Variants in RASA3 observed in about 807,000 individuals in gnomAD.
RASA3 encodes ras GTPase-activating protein 3.
A neutral mutation model predicts 110.0 loss-of-function variants in RASA3; 73 were observed. The observed-to-expected ratio is 0.66, with a 90% confidence interval of 0.55 to 0.81. RASA3 has a LOEUF of 0.81. Ranked by LOEUF, RASA3 falls within the 30% of genes least tolerant of loss-of-function variation. RASA3 has a pLI of 0.00. For missense variants in RASA3, 976 were observed against 1,113.2 expected (o/e 0.88, Z 1.75); for synonymous variants, 500 against 451.4 (o/e 1.11, Z -1.37).
At chr13:114,050,408 T>C (rs1047007769) in intron 3 of RASA3, among the ~76,000 whole-genome samples, 5 of 152,252 alleles carry the variant, frequency 3.3e-5, no homozygotes, top group East Asian at 1.9e-4. Flanking sequence ...CTGAGATCCA[T>C]GTGACCCATT....
At chr13:114,003,047 A>G (rs1566464479) in intron 18 of RASA3, among the ~76,000 whole-genome samples, 1 of 152,226 alleles carries the variant, frequency 6.6e-6, no homozygotes, top group Non-Finnish European at 1.5e-5. Flanking sequence ...ACCCCCACAC[A>G]TGGACGAACA....
At chr13:114,073,915 C>T (rs1416383374) in intron 1 of RASA3, 78 bp from the exon 2 acceptor site, 1 of 1,295,310 alleles carries the variant, frequency 7.7e-7, no homozygotes, top group Admixed American at 1.7e-5. Flanking sequence ...ACGTTTCCAG[C>T]CTTTGCTTGT....
intron 17 of RASA3, 152 bp downstream of exon 17, chr13:114,009,235 T>G (rs1205729589): frequency 7.7e-6 from 5 of 648,898 alleles, no homozygotes; most frequent in Non-Finnish European, 1.4e-5. Context: ...GACAAGGCTG[T>G]CTGGACAGCG....
chr13:114,037,380 G>A (rs993261271), intron 4 of RASA3, among the ~76,000 whole-genome samples: 1 of 152,178 alleles, frequency 6.6e-6, no homozygotes, highest in Non-Finnish European at 1.5e-5. Context: ...CCCGGAGGAT[G>A]TCACGCAGAG....
chr13:113,981,614 C>T, intron 23 of RASA3, 61 bp downstream of exon 23: 2 of 1,559,984 alleles, frequency 1.3e-6, no homozygotes, highest in Non-Finnish European at 8.7e-7. Flanking sequence ...AGCCCCACCC[C>T]CACTGCAATC....
intron 2 of RASA3, among the ~76,000 whole-genome samples, chr13:114,068,257 C>T (rs949403845): frequency 6.6e-6 from 1 of 152,192 alleles, no homozygotes; most frequent in African/African-American, 2.4e-5. Context: ...GAGGGCTTTG[C>T]CCAGCCTCAA....
chr13:114,131,615 C>G (rs2080520993), intron 1 of RASA3, among the ~76,000 whole-genome samples: 1 of 152,170 alleles, frequency 6.6e-6, no homozygotes, highest in South Asian at 2.1e-4. Context: ...GCCACCAGCT[C>G]GCCCGCCACT....
chr13:114,052,096 A>G lies in RASA3; in HGVS notation c.233T>C (p.Phe78Ser). Residue 78 changes from phenylalanine to serine, a missense_variant, in exon 3 of 24, where the codon TTC becomes TCC. This residue lies in a region of RASA3 where 732 missense variants were observed against 779.7 expected (regional missense o/e 0.94). Transcript: ENST00000334062. ...EIPRSFRHLS[F>S]YIFDRDVFRR... ...GAAAACGTCTCTATCGAAAATGTAG[A>G]AGGACAGGTGACGAAAGCTCCGAGG... 6.2e-7 allele frequency: 1 copy of G among 1,613,430 alleles called. No individual in the cohort carries two copies. Among genetic ancestry groups the G allele is most frequent in the Non-Finnish European group, 8.5e-7 (1 of 1,179,652 alleles).
intron 1 of RASA3, among the ~76,000 whole-genome samples, chr13:114,098,745 G>C (rs956030751): frequency 6.6e-6 from 1 of 152,148 alleles, no homozygotes; most frequent in Admixed American, 6.5e-5. Context: ...AGCAAGGAGA[G>C]AGGCAGTGGA....
At chr13:113,981,073 A>C (rs2052922545) in intron 23 of RASA3, among the ~76,000 whole-genome samples, 1 of 152,132 alleles carries the variant, frequency 6.6e-6, no homozygotes, top group South Asian at 2.1e-4. Flanking sequence ...ACATCTGCTC[A>C]CTCCAGGCTA....
At chr13:114,072,226 C>T (rs1306717437) in intron 2 of RASA3, among the ~76,000 whole-genome samples, 2 of 152,354 alleles carry the variant, frequency 1.3e-5, no homozygotes, top group African/African-American at 4.8e-5. Flanking sequence ...CCACCCCGTG[C>T]CATGTCCTGG....
chr13:114,121,411 G>T (rs75213709), intron 1 of RASA3, among the ~76,000 whole-genome samples: 13,455 of 152,248 alleles, frequency 0.088, 619 homozygotes, highest in Middle Eastern at 0.13. Flanking sequence ...ATTGGCCCGT[G>T]TCTTCTGCCA....
intron 23 of RASA3, 81 bp downstream of exon 23, chr13:113,981,594 A>C: frequency 3.4e-5 from 49 of 1,439,290 alleles, no homozygotes; most frequent in Non-Finnish European, 3.8e-5. Flanking sequence ...CCCACCCGGG[A>C]GCTCCCTGCA....
chr13:113,981,983 G>T (rs2052947265), intron 22 of RASA3, 125 bp from the exon 23 acceptor site: 2 of 842,146 alleles, frequency 2.4e-6, no homozygotes, highest in Non-Finnish European at 3.6e-6. Flanking sequence ...CCTCCAGAAA[G>T]GGCTGACCAC....
chr13:114,113,062 G>A (rs548786525), intron 1 of RASA3, among the ~76,000 whole-genome samples: 1 of 152,282 alleles, frequency 6.6e-6, no homozygotes, highest in South Asian at 2.1e-4. Context: ...TCCCGACTTG[G>A]GGGCAGGAGC....
At chr13:114,021,283 G>T in intron 9 of RASA3, 121 bp downstream of exon 9, 3 of 781,972 alleles carry the variant, frequency 3.8e-6, no homozygotes, top group Non-Finnish European at 6.3e-6. Flanking sequence ...GTAAGAGCAG[G>T]TGGGTGCTGG....
chr13:113,999,609 C>T lies in RASA3; in HGVS notation c.1908G>A (p.Glu636=), dbSNP rs754358072. 2 of 1,613,336 alleles carry T rather than the reference C, an allele frequency of 1.2e-6. No homozygotes were observed. The highest frequency in any genetic ancestry group is 2.2e-5 in the South Asian group (2 of 91,006). The change falls in exon 20 of 24, where the codon GAG becomes GAA. Residue 636 remains glutamate (E), a synonymous_variant. Coordinates refer to ENST00000334062, the MANE Select transcript of RASA3 (RefSeq NM_007368.4). ...IENILAVEKL[E]EESFKMKNMF... Reference sequence around the variant, plus strand: ...CGTTTTTCATTTTGAAAGACTCCTCCTCCAGCTTCTCCACTGCCAGGATGT... The same window carrying T: ...CGTTTTTCATTTTGAAAGACTCCTCTTCCAGCTTCTCCACTGCCAGGATGT...
chr13:114,046,299 C>T (rs951961376), intron 3 of RASA3, among the ~76,000 whole-genome samples: 7 of 152,138 alleles, frequency 4.6e-5, no homozygotes, highest in African/African-American at 1.7e-4. Context: ...GGAAAGAATT[C>T]GAGAATGAGG....
chr13:114,051,917 A>AC, intron 3 of RASA3, 135 bp downstream of exon 3: 1 of 629,844 alleles, frequency 1.6e-6, no homozygotes, highest in Non-Finnish European at 2.8e-6. Context: ...CAGGAGGAAC[A>AC]CCCAGGGCTG....
Sources: gnomAD v4.1 joint callset for allele counts (sites outside exome capture counted in the v4.1 genomes callset) on GRCh38, gnomAD v4.1.1 for gene constraint, gnomAD v4.1.1 regional missense constraint, MANE v1.5 for transcripts, NCBI Gene and HGNC (gene_info 2026-07-23, HGNC 2026-07-21) for gene names.